TBC1D19: variants seen among roughly 807,000 people sequenced by gnomAD.
TBC1D19 encodes the protein TBC1 domain family member 19, also known as TBC1 domain family, member 19.
TBC1D19 carries 60 observed loss-of-function variants against 89.0 expected under a neutral mutation model. The ratio of observed to expected loss-of-function variants is 0.67; its 90% CI spans 0.55 to 0.84. TBC1D19 has a LOEUF of 0.84. TBC1D19 is among the 40% of genes least tolerant of loss of function. The pLI is 0.00. For missense variants in TBC1D19, 500 were observed against 610.8 expected (o/e 0.82, Z 1.91); for synonymous variants, 189 against 199.7 (o/e 0.95, Z 0.45).
At chr4:26,786,668 G>C in the TBC1D19 span, among the ~76,000 whole-genome samples, 1 of 147,392 alleles carries the variant, frequency 6.8e-6, no homozygotes, top group African/African-American at 2.5e-5. Context: ...TTTGGGGATG[G>C]GCAAGTAAAT....
chr4:26,719,765 T>C (rs1716858058), intron 14 of TBC1D19, among the ~76,000 whole-genome samples: 1 of 152,112 alleles, frequency 6.6e-6, no homozygotes, highest in Non-Finnish European at 1.5e-5. Context: ...TTATTTGTAA[T>C]TAGCAAAACA....
upstream of TBC1D19, among the ~76,000 whole-genome samples, chr4:26,579,492 C>CT (rs796559539): frequency 0.018 from 2,547 of 144,780 alleles, 27 homozygotes; most frequent in African/African-American, 0.026. Flanking sequence ...TCTTTCCTGC[C>CT]TTTTTTTTTT....
At chr4:26,770,071 A>G in the TBC1D19 span, among the ~76,000 whole-genome samples, 40 of 152,190 alleles carry the variant, frequency 2.6e-4, no homozygotes, top group African/African-American at 5.1e-4. Flanking sequence ...AATAGAAAAA[A>G]AAAACAACAT....
At chr4:26,600,467 A>C (rs1347284007) in intron 1 of TBC1D19, among the ~76,000 whole-genome samples, 1 of 152,238 alleles carries the variant, frequency 6.6e-6, no homozygotes, top group African/African-American at 2.4e-5. Context: ...ACATCTCTTC[A>C]TGTTTTATTT....
intron 7 of TBC1D19, among the ~76,000 whole-genome samples, chr4:26,654,992 A>G (rs868336286): frequency 1.3e-5 from 2 of 152,132 alleles, no homozygotes; most frequent in African/African-American, 4.8e-5. Context: ...TTTTTTCCCC[A>G]TGTTTGTGGT....
the TBC1D19 span, among the ~76,000 whole-genome samples, chr4:26,851,335 A>ATCTGTCTG: frequency 1.7e-3 from 180 of 103,294 alleles, no homozygotes; most frequent in African/African-American, 6.0e-3. Flanking sequence ...CTATCTATCT[A>ATCTGTCTG]TCTATCTATC....
intron 7 of TBC1D19, among the ~76,000 whole-genome samples, chr4:26,643,385 C>A (rs781771262): frequency 1.6e-4 from 25 of 152,106 alleles, no homozygotes; most frequent in South Asian, 4.1e-4. Context: ...CCAATGAGAA[C>A]AAAGAGAAAC....
At chr4:26,804,146 T>C in the TBC1D19 span, among the ~76,000 whole-genome samples, 1 of 151,804 alleles carries the variant, frequency 6.6e-6, no homozygotes, top group African/African-American at 2.4e-5. Context: ...TATTTAATCA[T>C]TTATTTATTT....
intron 5 of TBC1D19, among the ~76,000 whole-genome samples, chr4:26,638,014 G>A (rs1276992875): frequency 2.0e-5 from 3 of 152,130 alleles, no homozygotes; most frequent in East Asian, 3.9e-4. Flanking sequence ...CGGTATTAAC[G>A]TAGGAAACGA....
At chr4:26,742,474 A>G (rs773293054) in intron 17 of TBC1D19, 34 bp from the exon 18 acceptor site, 1 of 1,490,032 alleles carries the variant, frequency 6.7e-7, no homozygotes, top group Non-Finnish European at 9.1e-7. Flanking sequence ...ATATTAAAAT[A>G]TCTATTTCTC....
intron 8 of TBC1D19, chr4:26,662,882 G>A (rs1442971028): frequency 6.6e-6 from 1 of 152,116 alleles, no homozygotes; most frequent in African/African-American, 2.4e-5. Flanking sequence ...TGGTAGAAGC[G>A]CTTCAAACAA....
the TBC1D19 span, among the ~76,000 whole-genome samples, chr4:26,800,468 G>A: frequency 8.5e-5 from 13 of 152,140 alleles, no homozygotes; most frequent in African/African-American, 2.4e-4. Flanking sequence ...ATAAACATAC[G>A]TGTGCATGTG....
chr4:26,594,027 A>G (rs1740018855), intron 1 of TBC1D19, among the ~76,000 whole-genome samples: 1 of 152,228 alleles, frequency 6.6e-6, no homozygotes, highest in Non-Finnish European at 1.5e-5. Flanking sequence ...GCTGCTATAA[A>G]GACACATGCA....
intron 13 of TBC1D19, among the ~76,000 whole-genome samples, chr4:26,697,613 A>G (rs929962988): frequency 4.7e-5 from 6 of 128,508 alleles, no homozygotes; most frequent in African/African-American, 7.5e-5. Flanking sequence ...AAAATCCTCA[A>G]TAAAATACTG....
upstream of TBC1D19, among the ~76,000 whole-genome samples, chr4:26,583,196 C>T (rs906480550): frequency 4.0e-5 from 6 of 151,792 alleles, no homozygotes; most frequent in African/African-American, 1.5e-4. Context: ...TTTCACTAGG[C>T]CTTTTTTGGG....
intron 4 of TBC1D19, among the ~76,000 whole-genome samples, chr4:26,626,645 T>C (rs532112774): frequency 3.0e-4 from 46 of 152,156 alleles, no homozygotes; most frequent in Admixed American, 1.1e-3. Flanking sequence ...CAAGATGTAC[T>C]ATGTGGTTGA....
At chr4:26,817,311 A>G in the TBC1D19 span, among the ~76,000 whole-genome samples, 4 of 152,156 alleles carry the variant, frequency 2.6e-5, no homozygotes, top group Non-Finnish European at 4.4e-5. Context: ...TTAGGCAGCA[A>G]CAGCTCATAC....
chr4:26,756,936 G>A (rs1280402519), downstream of TBC1D19, among the ~76,000 whole-genome samples: 2 of 152,000 alleles, frequency 1.3e-5, no homozygotes, highest in African/African-American at 4.8e-5. Flanking sequence ...TGCTGCTTCC[G>A]CAGACCCCTC....
At chr4:26,684,328 G>A (rs1249567569) in intron 12 of TBC1D19, among the ~76,000 whole-genome samples, 1 of 152,140 alleles carries the variant, frequency 6.6e-6, no homozygotes, top group Non-Finnish European at 1.5e-5. Context: ...CCAAAGCACT[G>A]GGTTTTTGTA....
Sources: allele counts gnomAD v4.1 joint callset (sites outside exome capture counted in the v4.1 genomes callset), GRCh38; gene constraint gnomAD v4.1.1; transcripts MANE v1.5; gene names NCBI Gene and HGNC (gene_info 2026-07-23, HGNC 2026-07-21).